CA5A: variants seen among roughly 807,000 people sequenced by gnomAD.
The protein encoded by CA5A is carbonic anhydrase 5A, mitochondrial.
Under a neutral mutation model 37.1 loss-of-function variants are expected in CA5A, and 28 were observed. The observed-to-expected ratio is 0.75, with a 90% CI of 0.56 to 1.03. CA5A has a LOEUF of 1.03. Ranked by LOEUF, CA5A falls within the 50% of genes least tolerant of loss-of-function variation. The probability of loss-of-function intolerance (pLI) is 0.00; values close to 1 mark genes in which losing one functional copy is unlikely to be tolerated. For synonymous variants in CA5A, 171 were observed against 158.4 expected (o/e 1.08, Z -0.60); for missense variants, 444 against 399.9 (o/e 1.11, Z -0.94).
At chr16:87,922,421 C>G (rs2056243326) in intron 2 of CA5A, among the ~76,000 whole-genome samples, 1 of 152,186 alleles carries the variant, frequency 6.6e-6, no homozygotes, top group Non-Finnish European at 1.5e-5. Flanking sequence ...GTTTTCCAGC[C>G]TAAAGCCTGA....
chr16:87,892,128 C>T, intron 5 of CA5A, 174 bp from the exon 6 acceptor site: 1 of 527,396 alleles, frequency 1.9e-6, no homozygotes, highest in Non-Finnish European at 3.2e-6. Context: ...TGTGACCCTT[C>T]TATACAGAGC....
At chr16:87,922,176 A>C (rs1394912649) in intron 2 of CA5A, among the ~76,000 whole-genome samples, 1 of 152,162 alleles carries the variant, frequency 6.6e-6, no homozygotes, top group Non-Finnish European at 1.5e-5. Context: ...GTTGGTGCAC[A>C]CTGGTGTGTG....
intron 1 of CA5A, among the ~76,000 whole-genome samples, chr16:87,929,639 G>C (rs188818517): frequency 6.6e-6 from 1 of 151,832 alleles, no homozygotes; most frequent in Non-Finnish European, 1.5e-5. Context: ...TTGGGAGGCC[G>C]AGGTGGGCGG....
intron 1 of CA5A, among the ~76,000 whole-genome samples, chr16:87,932,832 C>A (rs1001632848): frequency 9.2e-5 from 14 of 152,192 alleles, no homozygotes. Context: ...TTCCTTCCCC[C>A]TTGACCTCCA....
intron 2 of CA5A, among the ~76,000 whole-genome samples, chr16:87,924,971 G>A (rs1689099070): frequency 6.6e-6 from 1 of 152,202 alleles, no homozygotes; most frequent in South Asian, 2.1e-4. Context: ...AGAAAAGGAG[G>A]CTCATTTATG....
intron 5 of CA5A, among the ~76,000 whole-genome samples, chr16:87,901,592 CT>C (rs369833235): frequency 8.8e-4 from 128 of 145,608 alleles, no homozygotes; most frequent in Admixed American, 8.2e-4. Context: ...CTTTTCTTTT[CT>C]TTTTTTTTTT....
At chr16:87,903,355 T>C (rs1244511609) in intron 3 of CA5A, among the ~76,000 whole-genome samples, 1 of 152,118 alleles carries the variant, frequency 6.6e-6, no homozygotes, top group African/African-American at 2.4e-5. Flanking sequence ...CACTTGAACC[T>C]GGGCAGCAGA....
chr16:87,928,751 C>CTTTTTTTTTTT (rs1567537787), intron 1 of CA5A, among the ~76,000 whole-genome samples: 2 of 107,270 alleles, frequency 1.9e-5, no homozygotes, highest in African/African-American at 7.1e-5. Context: ...GGATTATTTT[C>CTTTTTTTTTTT]TTTTCTTTGT....
At chr16:87,933,736 C>G (rs1193317854) in intron 1 of CA5A, among the ~76,000 whole-genome samples, 3 of 152,136 alleles carry the variant, frequency 2.0e-5, no homozygotes, top group Non-Finnish European at 4.4e-5. Flanking sequence ...CTCTCAAGGC[C>G]AAACCACCAG....
At chr16:87,914,638 G>A (rs958941765) in intron 2 of CA5A, among the ~76,000 whole-genome samples, 2 of 152,130 alleles carry the variant, frequency 1.3e-5, no homozygotes, top group African/African-American at 4.8e-5. Flanking sequence ...TGCAGTGGGT[G>A]GGCATGGGGG....
intron 1 of CA5A, among the ~76,000 whole-genome samples, chr16:87,928,807 C>T (rs1179380513): frequency 2.3e-5 from 3 of 128,512 alleles, no homozygotes; most frequent in African/African-American, 5.9e-5. Flanking sequence ...CTCACTCGGT[C>T]GCCCAGGCTG....
intron 2 of CA5A, among the ~76,000 whole-genome samples, chr16:87,910,545 T>G (rs1197358404): frequency 6.6e-6 from 1 of 152,122 alleles, no homozygotes; most frequent in Non-Finnish European, 1.5e-5. Flanking sequence ...AGGGACCCAA[T>G]TTAAGGCTGC....
intron 2 of CA5A, among the ~76,000 whole-genome samples, chr16:87,917,960 G>A (rs1475487426): frequency 6.6e-6 from 1 of 152,196 alleles, no homozygotes; most frequent in African/African-American, 2.4e-5. Flanking sequence ...TCCAGGGGTC[G>A]TCCTTGAACC....
chr16:87,907,396 G>A (rs1226016620), intron 2 of CA5A, among the ~76,000 whole-genome samples: 1 of 152,126 alleles, frequency 6.6e-6, no homozygotes, highest in Non-Finnish European at 1.5e-5. Context: ...GTGCATTGAT[G>A]GGTGACTGAG....
intron 1 of CA5A, among the ~76,000 whole-genome samples, chr16:87,932,191 C>T (rs985401819): frequency 3.3e-5 from 5 of 152,016 alleles, no homozygotes; most frequent in Non-Finnish European, 7.4e-5. Flanking sequence ...TGCACTCTAC[C>T]CCCCCTCCCA....
chr16:87,931,709 G>A (rs915559322), intron 1 of CA5A, among the ~76,000 whole-genome samples: 4 of 152,258 alleles, frequency 2.6e-5, no homozygotes, highest in Admixed American at 1.3e-4. Flanking sequence ...ACAACCCTGC[G>A]GTCACACACA....
At chr16:87,901,808 A>G in intron 5 of CA5A, 104 bp downstream of exon 5, 1 of 880,984 alleles carries the variant, frequency 1.1e-6, no homozygotes, top group Non-Finnish European at 1.8e-6. Context: ...GCTGGTCTCG[A>G]ACTCCCAACC....
At chr16:87,920,764 G>A (rs186176618) in intron 2 of CA5A, among the ~76,000 whole-genome samples, 2 of 151,894 alleles carry the variant, frequency 1.3e-5, no homozygotes, top group Admixed American at 1.3e-4. Flanking sequence ...GATTACAGGT[G>A]CTTGCCACCA....
intron 1 of CA5A, among the ~76,000 whole-genome samples, chr16:87,933,131 C>G (rs1299104000): frequency 1.3e-5 from 2 of 152,226 alleles, no homozygotes; most frequent in Non-Finnish European, 2.9e-5. Flanking sequence ...CTCACACACA[C>G]CTGAGCAGGA....
Sources: allele counts gnomAD v4.1 joint callset (sites outside exome capture counted in the v4.1 genomes callset), GRCh38; gene constraint gnomAD v4.1.1; transcripts MANE v1.5; gene names NCBI Gene and HGNC (gene_info 2026-07-23, HGNC 2026-07-21).